The following NKAIN3 variants were observed in gnomAD, a reference collection of about 807,000 sequenced individuals.
The protein encoded by NKAIN3 is sodium/potassium transporting ATPase interacting 3, also known as sodium/potassium-transporting ATPase subunit beta-1-interacting protein 3.
A neutral mutation model predicts 30.2 loss-of-function variants in NKAIN3; 25 were observed. That is an observed-to-expected ratio of 0.83 (90% CI 0.60 to 1.16). The LOEUF (loss-of-function observed/expected upper bound fraction) is 1.16, where lower values mean the gene tolerates loss of function less well. Ranked by LOEUF, NKAIN3 falls within the 50% of genes most tolerant of loss-of-function variation. NKAIN3 has a pLI of 0.00. For synonymous variants in NKAIN3, 91 were observed against 89.6 expected, an observed-to-expected ratio of 1.02 and a Z score of -0.09; for missense variants, 225 against 254.1, an observed-to-expected ratio of 0.89 and a Z score of 0.78.
intron 1 of NKAIN3, among the ~76,000 whole-genome samples, chr8:62,535,436 C>G (rs1272466133): frequency 6.6e-6 from 1 of 151,950 alleles, no homozygotes; most frequent in Non-Finnish European, 1.5e-5. Flanking sequence ...GGCTCAGTCC[C>G]TAAGACTGCC....
intron 1 of NKAIN3, among the ~76,000 whole-genome samples, chr8:62,492,923 C>A (rs1036126890): frequency 2.3e-4 from 35 of 152,050 alleles, no homozygotes; most frequent in Non-Finnish European, 5.9e-5. Context: ...GTTTGAGTTC[C>A]TTATAGATGC....
intron 1 of NKAIN3, among the ~76,000 whole-genome samples, chr8:62,530,646 T>C (rs1366565579): frequency 6.6e-6 from 1 of 152,028 alleles, no homozygotes; most frequent in Non-Finnish European, 1.5e-5. Context: ...TTTATTTATT[T>C]ATTTATTTTG....
At chr8:62,678,471 C>T (rs1813547021) in intron 3 of NKAIN3, among the ~76,000 whole-genome samples, 1 of 152,088 alleles carries the variant, frequency 6.6e-6, no homozygotes, top group South Asian at 2.1e-4. Flanking sequence ...TTTGTTCTCT[C>T]CCACTCTTAC....
intron 1 of NKAIN3, among the ~76,000 whole-genome samples, chr8:62,477,013 T>C (rs901000993): frequency 1.3e-5 from 2 of 151,858 alleles, no homozygotes; most frequent in East Asian, 1.9e-4. Flanking sequence ...TCAGCTTTGA[T>C]TGAGGGAAAC....
At chr8:62,621,502 T>G (rs1226984254) in intron 3 of NKAIN3, among the ~76,000 whole-genome samples, 5 of 152,100 alleles carry the variant, frequency 3.3e-5, no homozygotes, top group Admixed American at 6.5e-5. Context: ...AATATAAATA[T>G]ATGCTTTCTT....
intron 3 of NKAIN3, among the ~76,000 whole-genome samples, chr8:62,592,069 T>G (rs1810670270): frequency 1.3e-5 from 2 of 152,044 alleles, no homozygotes; most frequent in Non-Finnish European, 2.9e-5. Flanking sequence ...AAATATACAT[T>G]CTGGGATAGT....
chr8:62,887,433 T>C (rs971738162), intron 4 of NKAIN3, among the ~76,000 whole-genome samples: 4 of 152,188 alleles, frequency 2.6e-5, no homozygotes, highest in Non-Finnish European at 5.9e-5. Flanking sequence ...TCTTCAGTCA[T>C]TGTTACTGCA....
At position 62,984,476 on chromosome 8, in the gene NKAIN3, T is replaced by C. The variant is rs1824161599; in HGVS notation, c.*19069T>C. On this transcript the variant is annotated 3_prime_UTR_variant, in exon 7 of 7. Coordinates refer to ENST00000623646, the MANE Select transcript of NKAIN3 (RefSeq NM_001304533.3). ...TCTTGATCTTGACACTGGAATTCAA[T>C]GTAAAAATCTTGAATGATATTTTGT... The C allele has an allele frequency of 6.6e-6, 1 of 152,228 alleles. No individual in the cohort carries two copies. The highest frequency in any genetic ancestry group is 2.4e-5 in the African/African-American group (1 of 41,468). 9.4% of individuals were successfully genotyped at this position (152,228 alleles called of 1,614,324 possible). A position where few individuals can be genotyped will look rare whatever the true frequency, so the allele number is the denominator to read the frequency against.
intron 1 of NKAIN3, among the ~76,000 whole-genome samples, chr8:62,377,260 G>C (rs920748390): frequency 1.3e-5 from 2 of 152,078 alleles, no homozygotes; most frequent in Admixed American, 6.6e-5. Context: ...CACACACACA[G>C]AGTTGCATAG....
chr8:62,785,830 A>G (rs571376909), intron 4 of NKAIN3, among the ~76,000 whole-genome samples: 27 of 152,164 alleles, frequency 1.8e-4, no homozygotes, highest in Non-Finnish European at 3.8e-4. Flanking sequence ...ATGACACAGG[A>G]AATGGATAAA....
chr8:62,299,785 GT>G (rs1449785152), intron 1 of NKAIN3, among the ~76,000 whole-genome samples: 8 of 152,012 alleles, frequency 5.3e-5, no homozygotes, highest in Non-Finnish European at 7.4e-5. Flanking sequence ...ACAAGAGACA[GT>G]TTTAACAATA....
At position 62,640,151 on chromosome 8, in the gene NKAIN3, C is replaced by T. The variant is rs147030494; in HGVS notation, c.273+50357C>T. ...TGGTATCTTCTCCAGGGCATACTTC[C>T]GTGACCTGGCAAGTAGGTGCCTGAT... On this transcript the variant is annotated intron_variant, in intron 3 of 6. Transcript: ENST00000623646. 1.1e-4 allele frequency among the ~76,000 whole-genome samples: 17 copies of T among 152,224 alleles called. No individual in the cohort carries two copies. In the East Asian group the frequency reaches 1.4e-3, roughly 12 times the overall value.
intron 3 of NKAIN3, among the ~76,000 whole-genome samples, chr8:62,741,426 G>GGAAA (rs1815884558): frequency 1.6e-5 from 2 of 122,592 alleles, no homozygotes; most frequent in Admixed American, 7.8e-5. Flanking sequence ...AAGGAAGGCA[G>GGAAA]GCAAGCAAGC....
intron 4 of NKAIN3, among the ~76,000 whole-genome samples, chr8:62,907,022 AT>A (rs757359595): frequency 2.6e-5 from 4 of 152,224 alleles, no homozygotes; most frequent in Non-Finnish European, 5.9e-5. Flanking sequence ...CTAGAGACTT[AT>A]TGAATAACTT....
chr8:62,742,184 G>A (rs1212040159), intron 3 of NKAIN3, among the ~76,000 whole-genome samples: 1 of 151,918 alleles, frequency 6.6e-6, no homozygotes, highest in East Asian at 1.9e-4. Context: ...TCTTAAATAG[G>A]TGGCTTAGAA....
chr8:62,379,496 G>A (rs1202712461), intron 1 of NKAIN3, among the ~76,000 whole-genome samples: 1 of 152,214 alleles, frequency 6.6e-6, no homozygotes, highest in African/African-American at 2.4e-5. Context: ...TAGTCCACAT[G>A]TGTTGTGGGA....
intron 4 of NKAIN3, among the ~76,000 whole-genome samples, chr8:62,903,496 G>A (rs1821672769): frequency 6.6e-6 from 1 of 152,088 alleles, no homozygotes; most frequent in Non-Finnish European, 1.5e-5. Context: ...GCACAAGATA[G>A]CACAGATAGG....
rs532029572 is a variant in NKAIN3, at chr8:62,787,462, A to T, written c.471+40333A>T. Among the ~76,000 whole-genome samples, 9 of 152,304 alleles carry T rather than the reference A, an allele frequency of 5.9e-5. No individual in the cohort carries two copies. The South Asian group carries it at 1.7e-3, about 28-fold the overall frequency. On this transcript the variant is annotated intron_variant, in intron 4 of 6. Transcript: ENST00000623646. ...CAATAGTTAGCCATGATACTTAATT[A>T]TAAACTTCCTGTGTAACCAGGACAA...
chr8:62,891,129 A>T (rs1485410940), intron 4 of NKAIN3, among the ~76,000 whole-genome samples: 1 of 152,200 alleles, frequency 6.6e-6, no homozygotes, highest in Non-Finnish European at 1.5e-5. Context: ...GCCAAGGGAC[A>T]TTAACATTTG....
Sources: gnomAD v4.1 joint callset for allele counts (sites outside exome capture counted in the v4.1 genomes callset) on GRCh38, gnomAD v4.1.1 for gene constraint, MANE v1.5 for transcripts, NCBI Gene and HGNC (gene_info 2026-07-23, HGNC 2026-07-21) for gene names.